DNAH5: variants seen among roughly 807,000 people sequenced by gnomAD.
DNAH5 encodes dynein axonemal heavy chain 5, also known as axonemal beta dynein heavy chain 5.
DNAH5 carries 372 observed loss-of-function variants against 518.2 expected under a neutral mutation model. That is an observed-to-expected ratio of 0.72 (90% CI 0.66 to 0.78). The LOEUF is 0.78. DNAH5 is among the 30% of genes least tolerant of loss of function. DNAH5 has a pLI of 0.00. For synonymous variants in DNAH5, 2,039 were observed against 2,025.9 expected, an observed-to-expected ratio of 1.01 and a Z score of -0.17; for missense variants, 5,523 against 5,687.0, an observed-to-expected ratio of 0.97 and a Z score of 0.93.
chr5:14,008,304 G>A (rs191047550), intron 1 of DNAH5, among the ~76,000 whole-genome samples: 2 of 151,486 alleles, frequency 1.3e-5, no homozygotes, highest in Non-Finnish European at 2.9e-5. Context: ...GGGAGAGAGG[G>A]AAGAAGACAG....
Position 13,931,671 on chromosome 5 carries a change from C to A in DNAH5, c.58-427G>T, listed in dbSNP as rs146639282. ...TATCTTTATTGTTTATCTACAGCTA[C>A]ATATTTGGTCTTGAAATTAACTTCT... is the stretch of plus-strand genomic sequence containing the variant. On this transcript the variant is annotated intron_variant, in intron 1 of 78. Coordinates refer to ENST00000265104, the MANE Select transcript of DNAH5 (RefSeq NM_001369.3). 6.3e-3 allele frequency among the ~76,000 whole-genome samples: 955 copies of A among 152,306 alleles called. 5 individuals carry two copies. Among genetic ancestry groups the A allele is most frequent in the Non-Finnish European group, 0.011 (729 of 68,022 alleles).
chr5:13,759,071 CAT>C (rs1751431182), intron 60 of DNAH5, 88 bp from the exon 61 acceptor site: 7 of 1,555,418 alleles, frequency 4.5e-6, no homozygotes, highest in East Asian at 2.2e-5. Flanking sequence ...GCTAACGTCA[CAT>C]GTTTATACCT....
rs1001483244 is a variant in DNAH5, at chr5:13,994,658, CT to C, written c.12+16989del. Among the ~76,000 whole-genome samples, 19 of 152,322 alleles carry C rather than the reference CT, an allele frequency of 1.2e-4. 1 individual carries two copies. The highest frequency in any genetic ancestry group is 4.6e-4 in the African/African-American group (19 of 41,580). The stretch of plus-strand genomic sequence containing the variant: ...AGTCACACCATAGGTCAAATAGTCT[CT>C]TCTGCTCATAAGCTTAAACGGAAGG... On this transcript the variant is annotated intron_variant, in intron 1 of 78. Transcript: ENST00000681290.
intron 34 of DNAH5, 96 bp from the exon 35 acceptor site, chr5:13,839,624 T>C (rs918338368): frequency 7.9e-6 from 9 of 1,138,604 alleles, no homozygotes; most frequent in African/African-American, 1.5e-5. Flanking sequence ...GTGAAATAAA[T>C]GAAACTCACA....
chr5:13,766,114 C>T lies in DNAH5; in HGVS notation c.9963G>A (p.Arg3321=), dbSNP rs762184401. 1.9e-6 allele frequency: 3 copies of T among 1,614,186 alleles called. No individual in the cohort carries two copies. Among genetic ancestry groups the T allele is most frequent in the Admixed American group, 1.7e-5 (1 of 60,016 alleles). Residue 3321 remains arginine, a synonymous_variant, in exon 59 of 79, where the codon CGG becomes CGA. Transcript: ENST00000265104. ...TLGRPPHLIM[R]IMDCVLLLFQ... ...ACAGCAGCAGTACGCAATCCATGATCCGCATGATGAGGTGAGGGGGGCGGC... is the reference window on the plus strand; with the variant it reads ...ACAGCAGCAGTACGCAATCCATGATTCGCATGATGAGGTGAGGGGGGCGGC...
At chr5:13,918,986 A>C (rs1776956744) in intron 7 of DNAH5, among the ~76,000 whole-genome samples, 190 bp downstream of exon 7, 1 of 152,222 alleles carries the variant, frequency 6.6e-6, no homozygotes, top group African/African-American at 2.4e-5. Flanking sequence ...TACACCAGCT[A>C]ACAATTGCCT....
At chr5:13,714,258 T>C (rs1300144817) in intron 75 of DNAH5, 147 bp downstream of exon 75, 1 of 837,076 alleles carries the variant, frequency 1.2e-6, no homozygotes, top group Non-Finnish European at 1.9e-6. Context: ...AAAAACTTCT[T>C]TTTCTGGTTC....
intron 1 of DNAH5, among the ~76,000 whole-genome samples, chr5:13,987,117 T>G (rs1224152411): frequency 6.6e-6 from 1 of 152,172 alleles, no homozygotes; most frequent in Non-Finnish European, 1.5e-5. Context: ...GCTACCTGGA[T>G]GCAACCAGCT....
At chr5:13,975,442 C>G (rs1018001380) in intron 1 of DNAH5, among the ~76,000 whole-genome samples, 4 of 152,156 alleles carry the variant, frequency 2.6e-5, no homozygotes, top group Non-Finnish European at 2.9e-5. Context: ...CAGATGCCAG[C>G]CCATAGCTCT....
At position 13,830,188 on chromosome 5, in the gene DNAH5, A is replaced by T. The variant is rs761797663; in HGVS notation, c.6087T>A (p.Gly2029=). 10 of 1,614,108 alleles carry T rather than the reference A, an allele frequency of 6.2e-6. No individual in the cohort carries two copies. Among genetic ancestry groups the T allele is most frequent in the Non-Finnish European group, 8.5e-6 (10 of 1,179,996 alleles). The change falls in exon 37 of 79, where the codon GGT becomes GGA. Residue 2029 remains glycine, a synonymous_variant. Coordinates refer to ENST00000265104, the MANE Select transcript of DNAH5 (RefSeq NM_001369.3). The part of the protein sequence containing the change: ...FKGLAQSGSW[G]CFDEFNRIDL... ...CAATACGGTTAAATTCATCAAAACA[A>T]CCCCAGGATCCAGACTGTGCCAGTC... is the stretch of plus-strand genomic sequence containing the variant.
At chr5:13,985,099 T>TA (rs1384083210) in intron 1 of DNAH5, among the ~76,000 whole-genome samples, 1 of 151,988 alleles carries the variant, frequency 6.6e-6, no homozygotes, top group East Asian at 1.9e-4. Flanking sequence ...TATGCAGCCA[T>TA]AAAAAATGAT....
rs1228714443 is a variant in DNAH5, at chr5:13,718,884, C to CT, written c.12496dup (p.Ser4166LysfsTer48). 1.2e-6 allele frequency: 2 copies of CT among 1,610,870 alleles called. No individual in the cohort carries two copies. The highest frequency in any genetic ancestry group is 1.7e-6 in the Non-Finnish European group (2 of 1,177,018). On this transcript the variant is annotated frameshift_variant, in exon 72 of 79. Transcript: ENST00000265104. LOFTEE classifies it high-confidence loss of function. ...CTCGCAAGTATTTCTGGACTCACCACTATATGTTCTTTTCAGTCCTGCCCG... is the reference window on the plus strand; with the variant it reads ...CTCGCAAGTATTTCTGGACTCACCACTTATATGTTCTTTTCAGTCCTGCCCG...
chr5:13,848,604 G>A (rs1015340126), intron 31 of DNAH5, among the ~76,000 whole-genome samples: 2 of 152,128 alleles, frequency 1.3e-5, no homozygotes, highest in African/African-American at 4.8e-5. Context: ...GCAACTAAAT[G>A]GTCCCATCTG....
At chr5:13,788,459 C>T (rs1756424191) in intron 51 of DNAH5, among the ~76,000 whole-genome samples, 1 of 152,194 alleles carries the variant, frequency 6.6e-6, no homozygotes. Context: ...CCTGTGCACT[C>T]TCTCCTACCG....
intron 1 of DNAH5, among the ~76,000 whole-genome samples, chr5:13,994,181 GC>G (rs1783766069): frequency 6.6e-6 from 1 of 152,096 alleles, no homozygotes; most frequent in Non-Finnish European, 1.5e-5. Flanking sequence ...CCACCGGCTG[GC>G]CCTAAGATGG....
intron 52 of DNAH5, among the ~76,000 whole-genome samples, chr5:13,785,256 A>G (rs745750614): frequency 6.6e-6 from 1 of 151,402 alleles, no homozygotes; most frequent in Non-Finnish European, 1.5e-5. Flanking sequence ...TCGGGCTCCT[A>G]TGAAAATCTA....
intron 38 of DNAH5, among the ~76,000 whole-genome samples, chr5:13,828,005 C>T (rs1161672207): frequency 6.6e-6 from 1 of 152,224 alleles, no homozygotes. Flanking sequence ...TTCAATTAAA[C>T]CTCTTTCCTT....
At chr5:13,714,909 A>G (rs944471924) in intron 74 of DNAH5, among the ~76,000 whole-genome samples, 1 of 152,176 alleles carries the variant, frequency 6.6e-6, no homozygotes, top group Non-Finnish European at 1.5e-5. Flanking sequence ...ATAGAAAGGG[A>G]GCTGTGGATT....
chr5:13,808,503 A>C (rs1345215076), intron 46 of DNAH5, among the ~76,000 whole-genome samples: 1 of 152,224 alleles, frequency 6.6e-6, no homozygotes, highest in African/African-American at 2.4e-5. Flanking sequence ...AAAGCAAGTC[A>C]AAATTTACTT....
Sources: gnomAD v4.1 joint callset for allele counts (sites outside exome capture counted in the v4.1 genomes callset) on GRCh38, gnomAD v4.1.1 for gene constraint, MANE v1.5 for transcripts, NCBI Gene and HGNC (gene_info 2026-07-23, HGNC 2026-07-21) for gene names.